MECOM: variants seen among roughly 807,000 people sequenced by gnomAD.
The protein encoded by MECOM is MDS1 and EVI1 complex locus, also known as histone-lysine N-methyltransferase MECOM.
In MECOM, 13 loss-of-function variants were observed where a neutral mutation model predicts 116.3. That is an observed-to-expected ratio of 0.11 (90% CI 0.07 to 0.18). The LOEUF (loss-of-function observed/expected upper bound fraction) is 0.18. Among genes scored for constraint, MECOM ranks in the 10% least tolerant of loss-of-function variants. The probability of loss-of-function intolerance (pLI) is 1.00; values close to 1 mark genes in which losing one functional copy is unlikely to be tolerated. For synonymous variants in MECOM, 528 were observed against 535.2 expected (o/e 0.99, Z 0.19); for missense variants, 1,299 against 1,509.0 (o/e 0.86, Z 2.31).
chr3:169,223,586 G>C (rs1341829811), intron 2 of MECOM, among the ~76,000 whole-genome samples: 1 of 151,936 alleles, frequency 6.6e-6, no homozygotes, highest in Non-Finnish European at 1.5e-5. Flanking sequence ...TGTATTTATT[G>C]CTGGGAAATT....
At chr3:169,153,790 C>A (rs936671383) in intron 2 of MECOM, among the ~76,000 whole-genome samples, 1 of 152,054 alleles carries the variant, frequency 6.6e-6, no homozygotes, top group South Asian at 2.1e-4. Context: ...CAGACTATTA[C>A]GAGTGTTGGG....
At chr3:169,190,354 C>A (rs1489803990) in intron 2 of MECOM, among the ~76,000 whole-genome samples, 2 of 151,928 alleles carry the variant, frequency 1.3e-5, no homozygotes, top group Non-Finnish European at 2.9e-5. Flanking sequence ...CACAGCTACC[C>A]CTCATTCCAA....
chr3:169,491,245 A>G (rs933627115), intron 1 of MECOM, among the ~76,000 whole-genome samples: 2 of 152,142 alleles, frequency 1.3e-5, no homozygotes, highest in African/African-American at 4.8e-5. Flanking sequence ...AAATCCTGGA[A>G]TCAGGTCTAA....
At chr3:169,239,012 T>C (rs1487837874) in intron 2 of MECOM, among the ~76,000 whole-genome samples, 2 of 152,132 alleles carry the variant, frequency 1.3e-5, no homozygotes, top group Non-Finnish European at 2.9e-5. Context: ...AGATTAACAC[T>C]ATATATTTTT....
rs182126903 is a variant in MECOM, at chr3:169,107,448, C to G, written c.2604+478G>C. 1.1e-3 allele frequency among the ~76,000 whole-genome samples: 171 copies of G among 152,186 alleles called. 1 individual carries two copies. The highest frequency in any genetic ancestry group is 3.9e-3 in the African/African-American group (163 of 41,530). ...AATTTGTAAACATTTAGTTTTATAT[C>G]TTCAAATAGCCAGAACCAATTTCTG... On this transcript the variant is annotated intron_variant, in intron 10 of 16. Transcript: ENST00000651503.
At chr3:169,124,424 C>A (rs1560213361) in intron 5 of MECOM, among the ~76,000 whole-genome samples, 1 of 151,782 alleles carries the variant, frequency 6.6e-6, no homozygotes, top group Non-Finnish European at 1.5e-5. Context: ...TCTGGGGGAG[C>A]CTTTAGATTC....
At chr3:169,585,064 G>C (rs1184268279) in intron 1 of MECOM, among the ~76,000 whole-genome samples, 2 of 152,188 alleles carry the variant, frequency 1.3e-5, no homozygotes, top group Non-Finnish European at 1.5e-5. Context: ...AAATCTTCTT[G>C]ACAGTAATAA....
intron 2 of MECOM, among the ~76,000 whole-genome samples, chr3:169,332,779 C>A (rs971999813): frequency 6.6e-6 from 1 of 152,094 alleles, no homozygotes; most frequent in African/African-American, 2.4e-5. Flanking sequence ...TTCATCAGTG[C>A]ATTTATTGGT....
chr3:169,533,087 C>T (rs1351885573), intron 1 of MECOM, among the ~76,000 whole-genome samples: 3 of 152,044 alleles, frequency 2.0e-5, no homozygotes, highest in Non-Finnish European at 4.4e-5. Flanking sequence ...TTGCTGCAGC[C>T]GATGCCACTG....
rs1157501759 is a variant in MECOM, at chr3:169,638,979, C to T, written c.37+24357G>A. Among the ~76,000 whole-genome samples the T allele has an allele frequency of 2.1e-5, 3 of 140,184 alleles. No individual in the cohort carries two copies. In the East Asian group the frequency reaches 6.8e-4, roughly 32 times the overall value. 92.0% of individuals were successfully genotyped at this position (140,184 alleles called of 152,430 possible). ...TAAAGTAGTTGAGAAGTAGATGTAT[C>T]TTCTCCAAGGTCTCTTTCTCTGTTT... On this transcript the variant is annotated intron_variant, in intron 1 of 16. Transcript: ENST00000651503.
intron 1 of MECOM, among the ~76,000 whole-genome samples, chr3:169,640,704 C>A (rs542783778): frequency 4.6e-5 from 7 of 152,136 alleles, no homozygotes; most frequent in Non-Finnish European, 1.0e-4. Flanking sequence ...GTCTCATCTC[C>A]GTGTTATAGA....
intron 2 of MECOM, among the ~76,000 whole-genome samples, chr3:169,319,993 T>A (rs376964605): frequency 2.0e-5 from 3 of 152,356 alleles, no homozygotes; most frequent in South Asian, 2.1e-4. Context: ...CAAGAGGTCG[T>A]ACGGTGACTT....
intron 2 of MECOM, among the ~76,000 whole-genome samples, chr3:169,262,811 G>A (rs1307950176): frequency 3.3e-5 from 5 of 151,704 alleles, no homozygotes; most frequent in Non-Finnish European, 5.9e-5. Flanking sequence ...TACAATGACA[G>A]GAAAAAATGA....
At chr3:169,404,360 A>G (rs1736330060) in intron 1 of MECOM, among the ~76,000 whole-genome samples, 1 of 152,138 alleles carries the variant, frequency 6.6e-6, no homozygotes, top group South Asian at 2.1e-4. Context: ...CCACAATGGA[A>G]ATGCACAGAG....
At chr3:169,458,319 T>C (rs538196198) in intron 1 of MECOM, among the ~76,000 whole-genome samples, 413 of 152,342 alleles carry the variant, frequency 2.7e-3, no homozygotes, top group Non-Finnish European at 4.3e-3. Flanking sequence ...GCATTAAGCA[T>C]ATATAGCTGT....
At chr3:169,608,005 C>A (rs1278378619) in intron 1 of MECOM, among the ~76,000 whole-genome samples, 2 of 152,222 alleles carry the variant, frequency 1.3e-5, no homozygotes, top group Non-Finnish European at 2.9e-5. Context: ...ATCCCTACCA[C>A]TGCCAACTCA....
At chr3:169,281,541 T>A (rs1473022698) in intron 2 of MECOM, among the ~76,000 whole-genome samples, 3 of 152,206 alleles carry the variant, frequency 2.0e-5, no homozygotes, top group African/African-American at 7.2e-5. Context: ...CTGGGCATTG[T>A]GGCTCATGCC....
At chr3:169,217,963 A>G (rs575747296) in intron 2 of MECOM, among the ~76,000 whole-genome samples, 8 of 151,558 alleles carry the variant, frequency 5.3e-5, no homozygotes, top group African/African-American at 1.7e-4. Flanking sequence ...CAACAATTTT[A>G]TTATACATCC....
At chr3:169,579,661 G>A (rs755990658) in intron 1 of MECOM, among the ~76,000 whole-genome samples, 13 of 152,170 alleles carry the variant, frequency 8.5e-5, no homozygotes, top group Admixed American at 7.2e-4. Context: ...CCCAAAAAGG[G>A]AAGAAAGCAC....
Sources: allele counts gnomAD v4.1 joint callset (sites outside exome capture counted in the v4.1 genomes callset), GRCh38; gene constraint gnomAD v4.1.1; transcripts MANE v1.5; gene names NCBI Gene and HGNC (gene_info 2026-07-23, HGNC 2026-07-21).